DPP6: variants seen among roughly 807,000 people sequenced by gnomAD.
DPP6 encodes dipeptidyl peptidase like 6, also known as A-type potassium channel modulatory protein DPP6.
Under a neutral mutation model 122.6 loss-of-function variants are expected in DPP6, and 69 were observed. That is an observed-to-expected ratio of 0.56 (90% CI 0.46 to 0.69). The LOEUF is 0.69. Ranked by LOEUF, DPP6 falls within the 30% of genes least tolerant of loss-of-function variation. The pLI, the probability that DPP6 is intolerant of heterozygous loss-of-function variation, is 0.00. For missense variants in DPP6, 928 were observed against 1,116.9 expected, an observed-to-expected ratio of 0.83 and a Z score of 2.41; for synonymous variants, 418 against 433.1, an observed-to-expected ratio of 0.97 and a Z score of 0.43.
chr7:154,369,697 T>C (rs1812482529), intron 1 of DPP6, among the ~76,000 whole-genome samples: 1 of 152,150 alleles, frequency 6.6e-6, no homozygotes, highest in Admixed American at 6.5e-5. Flanking sequence ...CTTAACAGAA[T>C]GTGGAAGTTA....
intron 1 of DPP6, among the ~76,000 whole-genome samples, chr7:154,254,071 C>G (rs570115095): frequency 1.3e-5 from 2 of 152,220 alleles, no homozygotes; most frequent in Non-Finnish European, 2.9e-5. Context: ...CCTCTTCTAA[C>G]GCATAGGGAT....
intron 1 of DPP6, among the ~76,000 whole-genome samples, chr7:153,992,139 T>C (rs928521922): frequency 2.0e-5 from 3 of 151,664 alleles, no homozygotes; most frequent in African/African-American, 7.3e-5. Context: ...CACTGTTGCA[T>C]TGGGGATTAA....
intron 1 of DPP6, among the ~76,000 whole-genome samples, chr7:154,031,915 G>A (rs530381071): frequency 2.0e-5 from 3 of 148,064 alleles, no homozygotes; most frequent in East Asian, 4.0e-4. Context: ...AGGCTGGAGC[G>A]CAGTGGCACA....
intron 7 of DPP6, among the ~76,000 whole-genome samples, chr7:154,691,546 G>A (rs934352287): frequency 2.4e-4 from 37 of 152,330 alleles, no homozygotes; most frequent in African/African-American, 8.2e-4. Flanking sequence ...AGCCGGGCGC[G>A]GTGGCTCACT....
intron 5 of DPP6, among the ~76,000 whole-genome samples, chr7:154,575,682 G>A (rs1032937443): frequency 4.8e-5 from 7 of 145,606 alleles, no homozygotes; most frequent in Admixed American, 2.8e-4. Flanking sequence ...TGTGGTGTGT[G>A]TGGTGTGTGT....
intron 16 of DPP6, among the ~76,000 whole-genome samples, chr7:154,831,861 C>T (rs1271822385): frequency 6.6e-6 from 1 of 152,140 alleles, no homozygotes; most frequent in Non-Finnish European, 1.5e-5. Context: ...AGTTAGAGCA[C>T]CAGTAGGAAC....
At chr7:154,316,375 G>C (rs933963731) in intron 1 of DPP6, among the ~76,000 whole-genome samples, 1 of 152,180 alleles carries the variant, frequency 6.6e-6, no homozygotes, top group Non-Finnish European at 1.5e-5. Flanking sequence ...CAACTGTATA[G>C]ATAAGAAAAC....
At position 154,765,728 on chromosome 7, in the gene DPP6, A is replaced by G. The variant is rs1051827458; in HGVS notation, c.884-3689A>G. 2.0e-5 allele frequency among the ~76,000 whole-genome samples: 3 copies of G among 152,174 alleles called. No individual in the cohort carries two copies. In the South Asian group the frequency reaches 6.2e-4, roughly 31 times the overall value. ...TCCCCGGATGTATCTTTCTTTTCTG[A>G]TGCTAAAATAGCCCCCCAGCAGGAC... is the stretch of plus-strand genomic sequence containing the variant. On this transcript the variant is annotated intron_variant, in intron 8 of 25. Coordinates refer to ENST00000377770, the MANE Select transcript of DPP6 (RefSeq NM_130797.4).
chr7:154,521,253 T>C (rs886259383), intron 3 of DPP6, among the ~76,000 whole-genome samples: 5 of 152,234 alleles, frequency 3.3e-5, no homozygotes, highest in African/African-American at 1.2e-4. Context: ...GATCTTTATT[T>C]CACCTTCACC....
chr7:154,074,120 T>TAGAG (rs1803365450), intron 1 of DPP6, among the ~76,000 whole-genome samples: 1 of 146,756 alleles, frequency 6.8e-6, no homozygotes, highest in African/African-American at 2.5e-5. Context: ...GAGATATATA[T>TAGAG]AGATATCTAT....
the DPP6 span, among the ~76,000 whole-genome samples, chr7:153,754,695 T>C: frequency 6.6e-6 from 1 of 152,270 alleles, no homozygotes; most frequent in East Asian, 1.9e-4. Flanking sequence ...GCTTTACAGG[T>C]CTCTGAGGCT....
Position 154,846,603 on chromosome 7 carries a change from A to G in DPP6, c.1667-7177A>G, listed in dbSNP as rs563899670. ...TGAAACAGCAACTGCAGTGCTACCA[A>G]CTAGCTTAACGACAGATGCAGTCTT... On this transcript the variant is annotated intron_variant, in intron 16 of 25. Coordinates refer to ENST00000377770, the MANE Select transcript of DPP6 (RefSeq NM_130797.4). 3.9e-5 allele frequency among the ~76,000 whole-genome samples: 6 copies of G among 152,332 alleles called. 1 individual carries two copies. Among genetic ancestry groups the G allele is most frequent in the African/African-American group, 1.4e-4 (6 of 41,572 alleles).
intron 7 of DPP6, among the ~76,000 whole-genome samples, chr7:154,722,279 G>A (rs889925141): frequency 2.0e-5 from 3 of 152,262 alleles, no homozygotes; most frequent in African/African-American, 7.2e-5. Context: ...CAGTCCAGCA[G>A]CTGGCCCAGG....
intron 1 of DPP6, among the ~76,000 whole-genome samples, chr7:154,131,281 T>G (rs960721522): frequency 1.3e-5 from 2 of 152,246 alleles, no homozygotes; most frequent in African/African-American, 4.8e-5. Flanking sequence ...TATGCAGTTT[T>G]AGCCCAAACT....
the DPP6 span, among the ~76,000 whole-genome samples, chr7:153,787,023 T>C: frequency 7.9e-4 from 114 of 144,216 alleles, no homozygotes; most frequent in Middle Eastern, 3.7e-3. Flanking sequence ...GCGATCTCAG[T>C]TCACTGCAAG....
At chr7:154,452,867 A>T (rs533584672) in intron 2 of DPP6, among the ~76,000 whole-genome samples, 1 of 152,352 alleles carries the variant, frequency 6.6e-6, no homozygotes, top group South Asian at 2.1e-4. Flanking sequence ...AAAGTGTTCA[A>T]GGTGATCTTA....
At chr7:154,550,126 C>G (rs943678187) in intron 4 of DPP6, among the ~76,000 whole-genome samples, 1 of 151,586 alleles carries the variant, frequency 6.6e-6, no homozygotes, top group Admixed American at 6.6e-5. Context: ...TTATATTTAC[C>G]TAATTTATTT....
chr7:154,394,670 C>A (rs950454365), intron 1 of DPP6, among the ~76,000 whole-genome samples: 2 of 152,074 alleles, frequency 1.3e-5, no homozygotes, highest in Admixed American at 6.6e-5. Flanking sequence ...ATGGACAAAC[C>A]AAATGTCATG....
At chr7:154,127,974 G>T (rs963901502) in intron 1 of DPP6, among the ~76,000 whole-genome samples, 14 of 149,846 alleles carry the variant, frequency 9.3e-5, no homozygotes, top group Non-Finnish European at 2.1e-4. Context: ...TCGGAAGTGT[G>T]CCTGAGCGAA....
Sources: allele counts gnomAD v4.1 joint callset (sites outside exome capture counted in the v4.1 genomes callset), GRCh38; gene constraint gnomAD v4.1.1; transcripts MANE v1.5; gene names NCBI Gene and HGNC (gene_info 2026-07-23, HGNC 2026-07-21).